LAMA3: variants seen among roughly 807,000 people sequenced by gnomAD.
LAMA3 encodes the protein laminin subunit alpha 3, also known as laminin subunit alpha-3.
In LAMA3, 281 loss-of-function variants were observed where a neutral mutation model predicts 402.0. The observed-to-expected ratio is 0.70, with a 90% CI of 0.63 to 0.77. The LOEUF is 0.77. LAMA3 is among the 30% of genes least tolerant of loss of function. LAMA3 has a pLI of 0.00. For synonymous variants in LAMA3, 1,431 were observed against 1,558.4 expected, an observed-to-expected ratio of 0.92 and a Z score of 1.93; for missense variants, 3,840 against 4,215.5, an observed-to-expected ratio of 0.91 and a Z score of 2.47.
At chr18:23,716,107 C>T (rs925695313) in intron 2 of LAMA3, among the ~76,000 whole-genome samples, 3 of 152,158 alleles carry the variant, frequency 2.0e-5, no homozygotes, top group Admixed American at 2.0e-4. Flanking sequence ...TACCTAACCA[C>T]TAGCATTCAT....
chr18:23,877,590 T>C (rs1163507842), intron 39 of LAMA3, among the ~76,000 whole-genome samples: 1 of 152,196 alleles, frequency 6.6e-6, no homozygotes, highest in Non-Finnish European at 1.5e-5. Context: ...TTAAGCTCGT[T>C]CACCGTGGCC....
In LAMA3 at chr18:23,814,485, A is replaced by T. The variant is rs769109641; in HGVS notation, c.1871A>T (p.Asn624Ile). ...KLLYWNLDKE[N>I]PSGCSECKCH... ...TTATATTGGAATCTGGACAAAGAAAACCCCAGTGGATGTTCAGGTAGGTTT... is the reference window on the plus strand; with the variant it reads ...TTATATTGGAATCTGGACAAAGAAATCCCCAGTGGATGTTCAGGTAGGTTT... Residue 624 changes from asparagine to isoleucine, a missense_variant, in exon 15 of 75, where the codon AAC becomes ATC. By Grantham distance (149) the Asn-to-Ile change is moderately radical. Transcript: ENST00000313654. The T allele has an allele frequency of 6.2e-7, 1 of 1,611,124 alleles. No homozygotes were observed. The highest frequency in any genetic ancestry group is 8.5e-7 in the Non-Finnish European group (1 of 1,177,430).
intron 17 of LAMA3, among the ~76,000 whole-genome samples, 163 bp from the exon 18 acceptor site, chr18:23,816,225 G>T (rs924208832): frequency 6.6e-6 from 1 of 152,312 alleles, no homozygotes; most frequent in African/African-American, 2.4e-5. Context: ...ATTTTGGTTT[G>T]GGAGTTTCCA....
chr18:23,885,619 A>G (rs1599002951), intron 41 of LAMA3, among the ~76,000 whole-genome samples: 1 of 152,154 alleles, frequency 6.6e-6, no homozygotes, highest in South Asian at 2.1e-4. Context: ...TGAGAAAGAT[A>G]TAAAAGATAC....
At chr18:23,934,449 C>T (rs573877285) in intron 67 of LAMA3, among the ~76,000 whole-genome samples, 1 of 152,276 alleles carries the variant, frequency 6.6e-6, no homozygotes, top group East Asian at 1.9e-4. Context: ...GTTTGTGAAG[C>T]TCCCCAGGTG....
intron 26 of LAMA3, 21 bp downstream of exon 26, chr18:23,838,899 C>CGGGA (rs769834298): frequency 1.4e-6 from 2 of 1,401,502 alleles, no homozygotes; most frequent in Non-Finnish European, 2.0e-6. Flanking sequence ...TCCTTCCTGT[C>CGGGA]TCCCCGTTCA....
chr18:23,808,630 C>A (rs925398766), intron 12 of LAMA3, among the ~76,000 whole-genome samples: 1 of 152,192 alleles, frequency 6.6e-6, no homozygotes, highest in Non-Finnish European at 1.5e-5. Flanking sequence ...AGTCACATAG[C>A]CTGTTGAAAC....
chr18:23,903,831 A>G lies in LAMA3; in HGVS notation c.6319-102A>G, dbSNP rs937096167. On this transcript the variant is annotated intron_variant, in intron 49 of 74. Coordinates refer to ENST00000313654, the MANE Select transcript of LAMA3 (RefSeq NM_198129.4). Reference sequence around the variant, plus strand: ...ATAGGCTTAGAAAATATAACATCTCATTGTTGCCCCAGAAACACATCAGTT... The same window carrying G: ...ATAGGCTTAGAAAATATAACATCTCGTTGTTGCCCCAGAAACACATCAGTT... 2.7e-5 allele frequency: 26 copies of G among 966,364 alleles called. 1 individual carries two copies. In the South Asian group the frequency reaches 2.9e-4, roughly 11 times the overall value. The allele number at this position is 966,364 out of a possible 1,614,324, so 59.9% of individuals were successfully genotyped here.
Position 23,746,580 on chromosome 18 carries a change from C to T in LAMA3, c.448-1363C>T, listed in dbSNP as rs1011207916. On this transcript the variant is annotated intron_variant, in intron 2 of 74. Transcript: ENST00000313654. ...ATGTAAAGCAATGCCACTGCTCTCA[C>T]CAAAAATTTCATGTTTTAGAAAATA... Among the ~76,000 whole-genome samples the T allele has an allele frequency of 3.9e-5, 6 of 152,122 alleles. No individual in the cohort carries two copies. The South Asian group carries it at 1.2e-3, about 32-fold the overall frequency.
chr18:23,718,965 T>C (rs2061161161), intron 2 of LAMA3, among the ~76,000 whole-genome samples: 1 of 152,206 alleles, frequency 6.6e-6, no homozygotes, highest in Non-Finnish European at 1.5e-5. Flanking sequence ...TGCCTCTCAA[T>C]GGGCCAGTTC....
At chr18:23,840,381 CT>C (rs1303915333) in intron 27 of LAMA3, among the ~76,000 whole-genome samples, 57 of 28,342 alleles carry the variant, frequency 2.0e-3, no homozygotes, top group South Asian at 0.015. Flanking sequence ...ACCTTTCTTT[CT>C]TTTTTTTTTT....
chr18:23,722,936 G>A (rs2061239250), intron 2 of LAMA3, among the ~76,000 whole-genome samples: 3 of 152,170 alleles, frequency 2.0e-5, no homozygotes, highest in Admixed American at 6.5e-5. Context: ...TCATCATGAA[G>A]GGTGAAAACC....
chr18:23,700,198 C>T (rs984790830), intron 1 of LAMA3, among the ~76,000 whole-genome samples: 8 of 151,974 alleles, frequency 5.3e-5, no homozygotes, highest in Admixed American at 2.0e-4. Flanking sequence ...GTAGCTGTTC[C>T]TTCACCACAT....
chr18:23,814,271 T>C lies in LAMA3; in HGVS notation c.1789-132T>C, dbSNP rs945379920. The C allele has an allele frequency of 4.2e-6, 3 of 711,432 alleles. No homozygotes were observed. In the African/African-American group the frequency reaches 5.3e-5, roughly 13 times the overall value. 44.1% of individuals were successfully genotyped at this position (711,432 alleles called of 1,614,324 possible). A position where few individuals can be genotyped will look rare whatever the true frequency, so the allele number is the denominator to read the frequency against. On this transcript the variant is annotated intron_variant, in intron 14 of 74. Transcript: ENST00000313654. ...GACTGTTGAAATCAACCCAGTATTT[T>C]TTCCCCCTGGATACACTTAATTACT... is the stretch of plus-strand genomic sequence containing the variant.
intron 39 of LAMA3, 124 bp downstream of exon 39, chr18:23,876,531 AAT>A (rs975687162): frequency 2.0e-4 from 136 of 669,384 alleles, no homozygotes; most frequent in African/African-American, 2.0e-3. Context: ...TCGCTGTGTA[AAT>A]ATATGAGGCT....
chr18:23,737,085 G>A (rs1253723827), intron 2 of LAMA3, among the ~76,000 whole-genome samples: 1 of 151,964 alleles, frequency 6.6e-6, no homozygotes, highest in Non-Finnish European at 1.5e-5. Context: ...AGGCTCGCTG[G>A]GTGTGCCCAG....
Position 23,901,138 on chromosome 18 carries a change from A to T in LAMA3, c.6016A>T (p.Ile2006Leu), listed in dbSNP as rs775133779. ...KRESQLLLNRIRTWQKTHQGE... is the reference protein window; with the variant it reads ...KRESQLLLNRLRTWQKTHQGE... ...GTGATGTATTACAGTGCTGAACCGG[A>T]TAAGGACCTGGCAGAAAACCCACCA... Residue 2006 changes from isoleucine (I) to leucine (L), a missense_variant, in exon 48 of 75, where the codon ATA becomes TTA. Physicochemically the swap from Ile to Leu is conservative, Grantham distance 5. This residue lies in a region of LAMA3 where 891 missense variants were observed against 857.5 expected (regional missense o/e 1.04). Coordinates refer to ENST00000313654, the MANE Select transcript of LAMA3 (RefSeq NM_198129.4). 2.5e-6 allele frequency: 4 copies of T among 1,614,064 alleles called. No individual in the cohort carries two copies. Among genetic ancestry groups the T allele is most frequent in the Non-Finnish European group, 3.4e-6 (4 of 1,179,948 alleles).
intron 24 of LAMA3, chr18:23,834,959 C>T (rs2144531075): frequency 6.6e-6 from 1 of 152,328 alleles, no homozygotes. Context: ...AAGTCTTTGT[C>T]TTTGAATGAT....
chr18:23,755,841 TA>T (rs1270877550), intron 6 of LAMA3, among the ~76,000 whole-genome samples: 2 of 152,234 alleles, frequency 1.3e-5, no homozygotes, highest in African/African-American at 4.8e-5. Flanking sequence ...GGGAATTCTC[TA>T]ATCAATGACA....
Sources: allele counts gnomAD v4.1 joint callset (sites outside exome capture counted in the v4.1 genomes callset), GRCh38; gene constraint gnomAD v4.1.1; regional missense constraint gnomAD v4.1.1; transcripts MANE v1.5; gene names NCBI Gene and HGNC (gene_info 2026-07-23, HGNC 2026-07-21).